Variants in GDAP1 observed in about 807,000 individuals in gnomAD.
The protein encoded by GDAP1 is ganglioside-induced differentiation-associated protein 1.
Under a neutral mutation model 40.1 loss-of-function variants are expected in GDAP1, and 34 were observed. The ratio of observed to expected loss-of-function variants is 0.85; its 90% CI spans 0.64 to 1.13. The LOEUF (loss-of-function observed/expected upper bound fraction) is 1.13, where lower values mean the gene tolerates loss of function less well. Ranked by LOEUF, GDAP1 falls within the 50% of genes most tolerant of loss-of-function variation. GDAP1 has a pLI of 0.00. For missense variants in GDAP1, 374 were observed against 433.7 expected (o/e 0.86, Z 1.22); for synonymous variants, 170 against 157.4 (o/e 1.08, Z -0.60).
intron 2 of GDAP1, among the ~76,000 whole-genome samples, chr8:74,417,631 C>T (rs1236418032): frequency 6.7e-6 from 1 of 149,344 alleles, no homozygotes; most frequent in African/African-American, 2.6e-5. Context: ...GTGGCACACA[C>T]CTGTAAGCCC....
chr8:74,401,192 A>G (rs1810328917), intron 2 of GDAP1, among the ~76,000 whole-genome samples: 2 of 149,018 alleles, frequency 1.3e-5, no homozygotes, highest in African/African-American at 2.6e-5. Flanking sequence ...GGGTACACCA[A>G]TCAGACGTAG....
rs1163084012 is a variant in GDAP1, at chr8:74,398,979, A to G, written c.165+47658A>G. ...TATTTTATTGAGGATTTTTGCATCA[A>G]TGTTCATCAAGGATATTGATCTAAA... On this transcript the variant is annotated intron_variant, in intron 2 of 2. Transcript: ENST00000523640. Among the ~76,000 whole-genome samples, 11 of 152,216 alleles carry G rather than the reference A, an allele frequency of 7.2e-5. No homozygotes were observed. In the South Asian group the frequency reaches 1.7e-3, roughly 23 times the overall value.
At chr8:74,440,747 G>A (rs918943406) in intron 2 of GDAP1, among the ~76,000 whole-genome samples, 1 of 151,970 alleles carries the variant, frequency 6.6e-6, no homozygotes. Context: ...ATGAATTAGA[G>A]TTCAATAAAA....
intron 2 of GDAP1, among the ~76,000 whole-genome samples, chr8:74,438,047 G>A (rs1400951862): frequency 6.6e-6 from 1 of 152,000 alleles, no homozygotes; most frequent in African/African-American, 2.4e-5. Flanking sequence ...AAAGTGGGAG[G>A]ATCACAAGGT....
intron 2 of GDAP1, among the ~76,000 whole-genome samples, chr8:74,459,121 G>T (rs1806370727): frequency 6.6e-6 from 1 of 152,124 alleles, no homozygotes; most frequent in Non-Finnish European, 1.5e-5. Flanking sequence ...TAAAAATGGA[G>T]GGGTACAATC....
chr8:74,448,411 A>G (rs1319312449), intron 2 of GDAP1, among the ~76,000 whole-genome samples: 1 of 152,150 alleles, frequency 6.6e-6, no homozygotes, highest in Non-Finnish European at 1.5e-5. Context: ...ACATTTGGAC[A>G]TTAGTTTTGG....
chr8:74,361,490 G>C lies in GDAP1; in HGVS notation c.485-394G>C, dbSNP rs541951314. ...CGGCTCACTGCAACCTCTGCTTCCT[G>C]AGTTCAAGTGATTCTCCTGCCTCAG... is the stretch of plus-strand genomic sequence containing the variant. On this transcript the variant is annotated intron_variant, in intron 3 of 5. Coordinates refer to ENST00000220822, the MANE Select transcript of GDAP1 (RefSeq NM_018972.4). Among the ~76,000 whole-genome samples, 193 of 151,928 alleles carry C rather than the reference G, an allele frequency of 1.3e-3. 1 individual carries two copies. Among genetic ancestry groups the C allele is most frequent in the African/African-American group, 4.6e-3 (191 of 41,438 alleles).
At chr8:74,361,727 G>A (rs915425336) in intron 3 of GDAP1, among the ~76,000 whole-genome samples, 157 bp from the exon 4 acceptor site, 1 of 152,196 alleles carries the variant, frequency 6.6e-6, no homozygotes, top group African/African-American at 2.4e-5. Context: ...TTTGAAAGGT[G>A]AGGAAACTGA....
intron 2 of GDAP1, among the ~76,000 whole-genome samples, chr8:74,475,753 T>C (rs1335572098): frequency 6.6e-6 from 1 of 152,190 alleles, no homozygotes; most frequent in African/African-American, 2.4e-5. Flanking sequence ...AGAATGTATA[T>C]TCTGTTGTTT....
At position 74,400,122 on chromosome 8, in the gene GDAP1, G is replaced by A. The variant is rs935821004; in HGVS notation, c.165+48801G>A. On this transcript the variant is annotated intron_variant, in intron 2 of 2. Transcript: ENST00000523640. The stretch of plus-strand genomic sequence containing the variant: ...GGTATCCTTGTTGACTTGCTGTCTC[G>A]TTGATCTGTCTAATGTTGACCGTGG... Among the ~76,000 whole-genome samples the A allele has an allele frequency of 5.4e-5, 8 of 149,362 alleles. No individual in the cohort carries two copies. The East Asian group carries it at 9.7e-4, about 18-fold the overall frequency.
At chr8:74,422,329 CTTTCTTTCTTTCTTTCTTTCTTCCCTT>C (rs1563465357) in intron 2 of GDAP1, among the ~76,000 whole-genome samples, 8 of 54,772 alleles carry the variant, frequency 1.5e-4, no homozygotes, top group East Asian at 6.4e-4. Context: ...TTCTTTCTTT[CTTTCTTTCTTTCTTTCTTTCTTCCCTT>C]CCTTCCTTCC....
chr8:74,436,418 TC>T (rs1185479944), intron 2 of GDAP1, among the ~76,000 whole-genome samples: 3 of 104,166 alleles, frequency 2.9e-5, no homozygotes, highest in East Asian at 3.2e-4. Context: ...AACCATCCCT[TC>T]CTTTTTTTTT....
At chr8:74,473,981 T>C (rs1163646969) in intron 2 of GDAP1, among the ~76,000 whole-genome samples, 2 of 152,120 alleles carry the variant, frequency 1.3e-5, no homozygotes, top group Non-Finnish European at 2.9e-5. Flanking sequence ...TCTGTTTCCT[T>C]GAGTTTGTAG....
At chr8:74,383,791 G>A (rs893726383) in intron 2 of GDAP1, among the ~76,000 whole-genome samples, 1 of 152,016 alleles carries the variant, frequency 6.6e-6, no homozygotes, top group Non-Finnish European at 1.5e-5. Flanking sequence ...ACCTATTGCC[G>A]ATTCACTTCT....
chr8:74,404,378 T>C (rs1376831101), intron 2 of GDAP1, among the ~76,000 whole-genome samples: 2 of 149,626 alleles, frequency 1.3e-5, no homozygotes, highest in African/African-American at 5.1e-5. Context: ...TATCATTTTC[T>C]AGATGATTAC....
downstream of GDAP1, among the ~76,000 whole-genome samples, chr8:74,371,432 G>A (rs933999995): frequency 2.6e-5 from 4 of 152,064 alleles, no homozygotes; most frequent in South Asian, 4.1e-4. Context: ...AGGCCGAGGC[G>A]GGCGGATCAC....
downstream of GDAP1, among the ~76,000 whole-genome samples, chr8:74,371,456 C>G (rs1200990934): frequency 6.6e-6 from 1 of 151,886 alleles, no homozygotes; most frequent in Non-Finnish European, 1.5e-5. Flanking sequence ...GTCAGGAGAT[C>G]GAGACCATTC....
downstream of GDAP1, among the ~76,000 whole-genome samples, chr8:74,368,627 T>C (rs953803040): frequency 5.3e-5 from 8 of 152,174 alleles, no homozygotes; most frequent in Non-Finnish European, 8.8e-5. Context: ...ACTAGAGATA[T>C]TGGACATCAA....
intron 2 of GDAP1, among the ~76,000 whole-genome samples, chr8:74,387,114 T>C (rs1810036832): frequency 6.6e-6 from 1 of 152,256 alleles, no homozygotes; most frequent in Non-Finnish European, 1.5e-5. Context: ...TATACAATCA[T>C]GTCATCTGCA....
Sources: allele counts gnomAD v4.1 joint callset (sites outside exome capture counted in the v4.1 genomes callset), GRCh38; gene constraint gnomAD v4.1.1; transcripts MANE v1.5; gene names NCBI Gene and HGNC (gene_info 2026-07-23, HGNC 2026-07-21).